Variants in NOMO2 observed in about 807,000 individuals in gnomAD.
NOMO2 encodes BOS complex subunit NOMO2.
A neutral mutation model predicts 67.1 loss-of-function variants in NOMO2; 14 were observed. The observed-to-expected ratio is 0.21, with a 90% confidence interval of 0.14 to 0.33. The LOEUF (loss-of-function observed/expected upper bound fraction) is 0.33. Ranked by LOEUF, NOMO2 falls within the 10% of genes least tolerant of loss-of-function variation. The pLI is 1.00. For missense variants in NOMO2, 178 were observed against 761.0 expected (o/e 0.23, Z 9.01); for synonymous variants, 80 against 305.9 (o/e 0.26, Z 7.71).
chr16:18,550,159 T>TAAAAAA (rs550548864), intron 4 of NOMO2, among the ~76,000 whole-genome samples: 2 of 8,970 alleles, frequency 2.2e-4, no homozygotes, highest in East Asian at 1.4e-3. Context: ...GACTCCATCT[T>TAAAAAA]AAAAAAAAAA....
intron 9 of NOMO2, among the ~76,000 whole-genome samples, chr16:18,540,513 C>T (rs1449853852): frequency 2.7e-5 from 4 of 150,370 alleles, no homozygotes; most frequent in African/African-American, 9.7e-5. Flanking sequence ...TCTCTGCTCA[C>T]CTGCCCCCAT....
chr16:18,531,149 C>T lies in NOMO2; in HGVS notation c.1557G>A (p.Leu519=), dbSNP rs1303064461. ...GGCGGCTCAGGGACTGTAGAGTCAC[C>T]AGCAAGTCACCACAGGTGTCTGCAG... ...VSCLDTCGDL[L]VTLQSLSRQG... is the part of the protein sequence containing the mutation. Residue 519 remains leucine (L), a synonymous_variant, in exon 14 of 31, where the codon CTG becomes CTA. Transcript: ENST00000622306. 1.6e-6 allele frequency: 1 copy of T among 617,330 alleles called. No individual in the cohort carries two copies. Among genetic ancestry groups the T allele is most frequent in the East Asian group, 2.8e-5 (1 of 35,996 alleles). 38.2% of individuals were successfully genotyped at this position (617,330 alleles called of 1,614,324 possible). A position where few individuals can be genotyped will look rare whatever the true frequency, so the allele number is the denominator to read the frequency against.
At chr16:18,561,173 T>TAAAAAAAAAAAAAAAAAAAAAAAAAAA (rs756246897) in intron 1 of NOMO2, among the ~76,000 whole-genome samples, 1 of 32,458 alleles carries the variant, frequency 3.1e-5, no homozygotes, top group African/African-American at 1.2e-4. Flanking sequence ...ACAACTTAAT[T>TAAAAAAAAAAAAAAAAAAAAAAAAAAA]AAAAAAAAAA....
intron 1 of NOMO2, among the ~76,000 whole-genome samples, chr16:18,560,911 C>T (rs535658592): frequency 2.6e-5 from 4 of 151,172 alleles, no homozygotes; most frequent in African/African-American, 4.9e-5. Context: ...CCCAATCCCT[C>T]TCTTTGGCAT....
chr16:18,556,442 CA>C (rs537109562), intron 2 of NOMO2, among the ~76,000 whole-genome samples: 968 of 80,328 alleles, frequency 0.012, 8 homozygotes, highest in African/African-American at 0.034. Flanking sequence ...GACTCTGTCT[CA>C]AAAAAAAAAA....
intron 9 of NOMO2, 94 bp from the exon 10 acceptor site, chr16:18,539,058 G>A: frequency 1.4e-6 from 1 of 715,894 alleles, no homozygotes; most frequent in East Asian, 2.7e-5. Flanking sequence ...CACCTACCAT[G>A]TCTGCTCCTG....
At chr16:18,558,577 A>G (rs1596863865) in intron 1 of NOMO2, 1 of 192,154 alleles carries the variant, frequency 5.2e-6, no homozygotes, top group African/African-American at 2.3e-5. Flanking sequence ...ACATTCATCT[A>G]GAAACTTAAT....
chr16:18,535,259 G>C (rs1901390706), intron 11 of NOMO2, among the ~76,000 whole-genome samples: 1 of 150,608 alleles, frequency 6.6e-6, no homozygotes, highest in African/African-American at 2.4e-5. Context: ...GGAGGCTGCA[G>C]TGAGCCGAGA....
chr16:18,561,945 C>T lies in NOMO2; in HGVS notation c.96G>A (p.Ser32=), dbSNP rs1428851231. 1.3e-6 allele frequency: 2 copies of T among 1,574,196 alleles called. No individual in the cohort carries two copies. Among genetic ancestry groups the T allele is most frequent in the African/African-American group, 2.7e-5 (2 of 73,502 alleles). ...CACCGCAGCCCACCACGATGTCCTCCGAGCCGTGCGCCGGCCCCACGCCGC... is the reference window on the plus strand; with the variant it reads ...CACCGCAGCCCACCACGATGTCCTCTGAGCCGTGCGCCGGCCCCACGCCGC... ...LLSGVGPAHG[S]EDIVVGCGGF... Residue 32 remains serine, a synonymous_variant, in exon 1 of 31, where the codon TCG becomes TCA. Coordinates refer to ENST00000622306, the MANE Select transcript of NOMO2 (RefSeq NM_173614.4).
chr16:18,525,318 T>G (rs2141713273), intron 16 of NOMO2, among the ~76,000 whole-genome samples: 1 of 148,378 alleles, frequency 6.7e-6, no homozygotes, highest in Admixed American at 6.7e-5. Flanking sequence ...GGTATTATGC[T>G]AGGTACTGGT....
At chr16:18,535,291 T>A (rs867755831) in intron 11 of NOMO2, among the ~76,000 whole-genome samples, 19 of 151,278 alleles carry the variant, frequency 1.3e-4, no homozygotes, top group Non-Finnish European at 1.6e-4. Flanking sequence ...TACTCCAGCC[T>A]GGGCAACGGA....
chr16:18,535,639 G>T (rs771044166), intron 11 of NOMO2, among the ~76,000 whole-genome samples: 1 of 151,680 alleles, frequency 6.6e-6, no homozygotes, highest in African/African-American at 2.4e-5. Flanking sequence ...GCCTGGGCCC[G>T]GCCACTACCA....
intron 4 of NOMO2, among the ~76,000 whole-genome samples, chr16:18,550,598 G>A (rs1350723774): frequency 6.6e-6 from 1 of 152,012 alleles, no homozygotes; most frequent in East Asian, 1.9e-4. Context: ...AGGGCGGGTG[G>A]AAGAGAAATG....
At chr16:18,557,387 C>G (rs1409825788) in intron 2 of NOMO2, among the ~76,000 whole-genome samples, 4 of 151,276 alleles carry the variant, frequency 2.6e-5, no homozygotes, top group African/African-American at 9.7e-5. Flanking sequence ...TCTGGGCTGT[C>G]GTAGGCAGCA....
rs1901018364 is a variant in NOMO2 at position 18,513,117 on chromosome 16, CGGG to C, written c.3111+230_3111+232del. The stretch of plus-strand genomic sequence containing the variant: ...TGATCAGAGCTTACAGGGCAAGTTG[CGGG>C]GAGGATACAACAGTTCCAATTTCCT... On this transcript the variant is annotated intron_variant, in intron 26 of 30. Coordinates refer to ENST00000622306, the MANE Select transcript of NOMO2 (RefSeq NM_173614.4). Among the ~76,000 whole-genome samples the C allele has an allele frequency of 2.6e-5, 2 of 76,310 alleles. 1 individual carries two copies. Among genetic ancestry groups the C allele is most frequent in the Non-Finnish European group, 6.1e-5 (2 of 33,054 alleles). 50.1% of individuals were successfully genotyped at this position (76,310 alleles called of 152,430 possible). A position where few individuals can be genotyped will look rare whatever the true frequency, so the allele number is the denominator to read the frequency against.
At chr16:18,528,365 A>ATATT (rs1225256518) in intron 15 of NOMO2, among the ~76,000 whole-genome samples, 3 of 151,962 alleles carry the variant, frequency 2.0e-5, no homozygotes, top group Non-Finnish European at 4.4e-5. Flanking sequence ...TATGAACCGG[A>ATATT]TATTAATCGA....
chr16:18,539,986 C>T (rs1445832227), intron 9 of NOMO2, among the ~76,000 whole-genome samples: 2 of 151,404 alleles, frequency 1.3e-5, no homozygotes, highest in Admixed American at 6.6e-5. Flanking sequence ...TCTGAAATGT[C>T]CTCGTTCGAT....
intron 16 of NOMO2, among the ~76,000 whole-genome samples, chr16:18,525,874 G>A (rs1596842908): frequency 1.3e-5 from 2 of 150,186 alleles, no homozygotes; most frequent in South Asian, 4.2e-4. Context: ...AAAATACAAG[G>A]CAAAAAATAG....
intron 11 of NOMO2, among the ~76,000 whole-genome samples, chr16:18,534,333 T>C: frequency 6.6e-6 from 1 of 150,408 alleles, no homozygotes; most frequent in Non-Finnish European, 1.5e-5. Context: ...TCTTAAGTGG[T>C]TAAAGTTAAA....
Sources: allele counts gnomAD v4.1 joint callset (sites outside exome capture counted in the v4.1 genomes callset), GRCh38; gene constraint gnomAD v4.1.1; transcripts MANE v1.5; gene names NCBI Gene and HGNC (gene_info 2026-07-23, HGNC 2026-07-21).